The following COL22A1 variants were observed in gnomAD, a reference collection of about 807,000 sequenced individuals.
COL22A1 encodes the protein collagen type XXII alpha 1 chain.
Under a neutral mutation model 248.9 loss-of-function variants are expected in COL22A1, and 221 were observed. That is an observed-to-expected ratio of 0.89 (90% CI 0.80 to 0.99). The LOEUF is 0.99. Among genes scored for constraint, COL22A1 ranks in the 50% least tolerant of loss-of-function variants. COL22A1 has a pLI of 0.00. For missense variants in COL22A1, 2,240 were observed against 2,179.0 expected (o/e 1.03, Z -0.56); for synonymous variants, 891 against 793.4 (o/e 1.12, Z -2.07).
At chr8:138,612,124 C>T (rs901021811) in intron 56 of COL22A1, among the ~76,000 whole-genome samples, 18 of 145,904 alleles carry the variant, frequency 1.2e-4, no homozygotes, top group Admixed American at 2.7e-4. Flanking sequence ...ACACAAAATG[C>T]TTCTAACAGT....
At chr8:138,721,646 T>G (rs868710825) in intron 26 of COL22A1, among the ~76,000 whole-genome samples, 2 of 152,228 alleles carry the variant, frequency 1.3e-5, no homozygotes, top group African/African-American at 4.8e-5. Context: ...CAGGCTATAG[T>G]GCAATGGCAC....
intron 16 of COL22A1, among the ~76,000 whole-genome samples, chr8:138,763,334 T>C (rs1373371404): frequency 6.6e-6 from 1 of 151,906 alleles, no homozygotes; most frequent in Non-Finnish European, 1.5e-5. Context: ...CTGCAGCAAG[T>C]TGAGGTCATG....
chr8:138,747,699 G>A (rs2131321742), intron 22 of COL22A1, among the ~76,000 whole-genome samples: 1 of 152,322 alleles, frequency 6.6e-6, no homozygotes, highest in East Asian at 1.9e-4. Flanking sequence ...CAGCATGAGG[G>A]CAGGAGCTTC....
At chr8:138,787,231 T>C (rs1021581922) in intron 12 of COL22A1, among the ~76,000 whole-genome samples, 1 of 149,984 alleles carries the variant, frequency 6.7e-6, no homozygotes, top group African/African-American at 2.5e-5. Flanking sequence ...TAAAAGAATA[T>C]GTAAAGCTAA....
chr8:138,751,369 G>T, intron 22 of COL22A1, 89 bp downstream of exon 22: 2 of 882,694 alleles, frequency 2.3e-6, no homozygotes, highest in Non-Finnish European at 3.6e-6. Flanking sequence ...CCCTGAAACT[G>T]ACACTGTCTA....
intron 27 of COL22A1, among the ~76,000 whole-genome samples, chr8:138,719,785 G>A (rs567901743): frequency 5.9e-5 from 9 of 152,296 alleles, no homozygotes; most frequent in African/African-American, 2.2e-4. Context: ...TAGCAAGCCC[G>A]TACTGTGTAT....
intron 30 of COL22A1, among the ~76,000 whole-genome samples, chr8:138,709,230 C>G (rs1373441522): frequency 6.6e-6 from 1 of 152,112 alleles, no homozygotes; most frequent in Non-Finnish European, 1.5e-5. Context: ...GACAGTGTGG[C>G]GATTCCTCAA....
intron 23 of COL22A1, among the ~76,000 whole-genome samples, chr8:138,733,708 G>A (rs1830879669): frequency 6.6e-6 from 1 of 152,166 alleles, no homozygotes; most frequent in African/African-American, 2.4e-5. Context: ...CCAAAGCTCA[G>A]CTCAGTGGAT....
chr8:138,616,918 G>A lies in COL22A1; in HGVS notation c.3866C>T (p.Pro1289Leu), dbSNP rs745502593. The part of the protein sequence containing the change: ...GHTGDSGAPG[P>L]RGESGAMGLP... ...CAAAGTGAGGCGCCCACTTACCCGGGGACCGGGTGCACCAGAATCGCCTGT... is the reference window on the plus strand; with the variant it reads ...CAAAGTGAGGCGCCCACTTACCCGGAGACCGGGTGCACCAGAATCGCCTGT... The change falls in exon 54 of 65, where the codon CCC (proline) becomes CTC (leucine). Residue 1289 changes from proline (P) to leucine (L), a missense_variant. By Grantham distance (98) the Pro-to-Leu change is moderately conservative. Coordinates refer to ENST00000303045, the MANE Select transcript of COL22A1 (RefSeq NM_152888.3). The A allele has an allele frequency of 3.1e-6, 5 of 1,614,016 alleles. No homozygotes were observed. In the Middle Eastern group the frequency reaches 6.6e-4, roughly 215 times the overall value.
At chr8:138,734,863 G>T (rs180873756) in intron 23 of COL22A1, among the ~76,000 whole-genome samples, 1 of 152,340 alleles carries the variant, frequency 6.6e-6, no homozygotes, top group Admixed American at 6.5e-5. Flanking sequence ...CATGTCCTTT[G>T]TAGGGACATG....
intron 40 of COL22A1, 126 bp from the exon 41 acceptor site, chr8:138,676,761 G>T: frequency 2.9e-6 from 2 of 699,694 alleles, no homozygotes; most frequent in Non-Finnish European, 4.9e-6. Flanking sequence ...GCCTCCATGG[G>T]CCATGCTATA....
intron 41 of COL22A1, among the ~76,000 whole-genome samples, chr8:138,667,091 A>G (rs887772064): frequency 6.6e-6 from 1 of 152,224 alleles, no homozygotes; most frequent in African/African-American, 2.4e-5. Flanking sequence ...TTTAAGAAAG[A>G]TAAAGGTGTG....
chr8:138,590,816 G>A (rs1023369167), intron 64 of COL22A1, among the ~76,000 whole-genome samples: 4 of 152,196 alleles, frequency 2.6e-5, no homozygotes, highest in Non-Finnish European at 5.9e-5. Flanking sequence ...TGGGTAGCAT[G>A]ACCAACTTGC....
intron 47 of COL22A1, among the ~76,000 whole-genome samples, chr8:138,640,520 G>A (rs1821588166): frequency 6.6e-6 from 1 of 152,004 alleles, no homozygotes; most frequent in Non-Finnish European, 1.5e-5. Context: ...ACCCTCCAAT[G>A]CAATTAAAAT....
chr8:138,678,572 G>A (rs1432395853), intron 40 of COL22A1, among the ~76,000 whole-genome samples: 6 of 78,350 alleles, frequency 7.7e-5, no homozygotes, highest in Non-Finnish European at 2.2e-4. Context: ...GGGGAATAGA[G>A]GGAGTAAAAA....
intron 36 of COL22A1, among the ~76,000 whole-genome samples, chr8:138,690,498 G>A (rs534700106): frequency 7.2e-5 from 11 of 152,282 alleles, no homozygotes; most frequent in East Asian, 3.9e-4. Flanking sequence ...CCCAATAGCC[G>A]TCAGGGGACC....
At chr8:138,693,560 A>G in intron 35 of COL22A1, 86 bp downstream of exon 35, 1 of 1,377,316 alleles carries the variant, frequency 7.3e-7, no homozygotes, top group Admixed American at 2.0e-5. Flanking sequence ...GCTAGCCCAG[A>G]GCTGTGAGCC....
intron 10 of COL22A1, among the ~76,000 whole-genome samples, chr8:138,806,674 A>C (rs1179033312): frequency 6.6e-6 from 1 of 152,176 alleles, no homozygotes; most frequent in East Asian, 1.9e-4. Context: ...CACTCATTCA[A>C]CAAGAAGGGA....
chr8:138,727,936 G>T (rs898852496), intron 23 of COL22A1, among the ~76,000 whole-genome samples: 7 of 152,162 alleles, frequency 4.6e-5, no homozygotes, highest in African/African-American at 1.7e-4. Flanking sequence ...GACTGCTCCA[G>T]CTTGGCCCCT....
Sources: gnomAD v4.1 joint callset for allele counts (sites outside exome capture counted in the v4.1 genomes callset) on GRCh38, gnomAD v4.1.1 for gene constraint, MANE v1.5 for transcripts, NCBI Gene and HGNC (gene_info 2026-07-23, HGNC 2026-07-21) for gene names.